Variants in HTR6 observed in about 807,000 individuals in gnomAD.
The protein encoded by HTR6 is 5-hydroxytryptamine receptor 6, also known as 5-hydroxytryptamine (serotonin) receptor 6, G protein-coupled.
HTR6 carries 15 observed loss-of-function variants against 17.4 expected under a neutral mutation model. That is an observed-to-expected ratio of 0.86 (90% CI 0.58 to 1.33). The LOEUF (loss-of-function observed/expected upper bound fraction) is 1.33, where lower values mean the gene tolerates loss of function less well. Among genes scored for constraint, HTR6 ranks in the 40% most tolerant of loss-of-function variants. The pLI is 0.00. For missense variants in HTR6, 578 were observed against 616.0 expected (o/e 0.94, Z 0.65); for synonymous variants, 326 against 295.5 (o/e 1.10, Z -1.06).
intron 1 of HTR6, among the ~76,000 whole-genome samples, chr1:19,672,178 T>C (rs549805440): frequency 1.3e-5 from 2 of 151,624 alleles, no homozygotes; most frequent in South Asian, 2.1e-4. Context: ...CTGTGGTCCA[T>C]AACCTCATCC....
chr1:19,675,637 C>T (rs902844844), intron 1 of HTR6, among the ~76,000 whole-genome samples: 6 of 152,094 alleles, frequency 3.9e-5, no homozygotes, highest in African/African-American at 1.2e-4. Flanking sequence ...CCTCAGTTTC[C>T]CCCATGCCCT....
chr1:19,679,052 C>A lies in HTR6; in HGVS notation c.1007C>A (p.Pro336Gln). The A allele has an allele frequency of 6.2e-7, 1 of 1,614,130 alleles. No homozygotes were observed. The highest frequency in any genetic ancestry group is 1.1e-5 in the South Asian group (1 of 91,084). ...AAGCGGGCGCTGGGCAGGTTCCTGC[C>A]ATGTCCACGCTGTCCCCGGGAGCGC... ...DFKRALGRFL[P>Q]CPRCPRERQA... The change falls in exon 3 of 3, where the codon CCA (proline) becomes CAA (glutamine). Residue 336 changes from proline to glutamine, a missense_variant. By Grantham distance (76) the Pro-to-Gln change is moderately conservative (BLOSUM62 -1). Coordinates refer to ENST00000289753, the MANE Select transcript of HTR6 (RefSeq NM_000871.3). The surrounding 1 kb of genome is among the most constrained non-coding windows in gnomAD (Gnocchi z 4.9).
Position 19,665,088 on chromosome 1 carries a change from GCCGCGCGGCCGCTGCCCTCCTCTTC to G in HTR6, c.-660_-636del, listed in dbSNP as rs2095079147. On this transcript the variant is annotated 5_prime_UTR_variant, in exon 1 of 3. Coordinates refer to ENST00000289753, the MANE Select transcript of HTR6 (RefSeq NM_000871.3). This position sits in a 1 kb window ranked among gnomAD's most constrained non-coding sequence, Gnocchi z 4.2. ...CCCTGCTGCCGGGTGGGGAGGGGGC[GCCGCGCGGCCGCTGCCCTCCTCTTC>G]CCGCGGGGCCTGGCGGCCCCGGCGA... 6.6e-6 allele frequency among the ~76,000 whole-genome samples: 1 copy of G among 151,628 alleles called. No homozygotes were observed. Among genetic ancestry groups the G allele is most frequent in the Non-Finnish European group, 1.5e-5 (1 of 67,850 alleles).
chr1:19,669,185 G>A (rs2095084966), intron 1 of HTR6, among the ~76,000 whole-genome samples: 1 of 152,166 alleles, frequency 6.6e-6, no homozygotes, highest in African/African-American at 2.4e-5. Flanking sequence ...GAGAGATCAG[G>A]ATTCCTAGTT....
In HTR6 at chr1:19,679,372, GGGCTTGGGGCTGGCCAATGGGGAGCT is replaced by G. The variant is rs2095098919; in HGVS notation, c.*7_*32del. ...ACTTGGCATCCCCACGAACTGACCC[GGGCTTGGGGCTGGCCAATGGGGAGCT>G]GGATTGAGCAGAACCCAGACCCTGA... On this transcript the variant is annotated 3_prime_UTR_variant, in exon 3 of 3. Transcript: ENST00000289753. This position sits in a 1 kb window ranked among gnomAD's most constrained non-coding sequence, Gnocchi z 4.9. The G allele has an allele frequency of 6.4e-7, 1 of 1,572,686 alleles. No homozygotes were observed. The highest frequency in any genetic ancestry group is 8.6e-7 in the Non-Finnish European group (1 of 1,157,164).
Position 19,679,601 on chromosome 1 carries a change from T to C in HTR6, c.*233T>C, listed in dbSNP as rs200126438. ...AGGATGCTCCACTGTTGAGTGTAAC[T>C]TGTGTGTGCAGAGGATGGGCTGGAG... On this transcript the variant is annotated 3_prime_UTR_variant, in exon 3 of 3. Coordinates refer to ENST00000289753, the MANE Select transcript of HTR6 (RefSeq NM_000871.3). The surrounding 1 kb of genome is among the most constrained non-coding windows in gnomAD (Gnocchi z 4.9). The C allele has an allele frequency of 1.5e-4, 85 of 570,708 alleles. No homozygotes were observed. In the African/African-American group the frequency reaches 1.6e-3, roughly 11 times the overall value. 35.4% of individuals were successfully genotyped at this position (570,708 alleles called of 1,614,324 possible).
At position 19,665,775 on chromosome 1, in the gene HTR6, A is replaced by G; in HGVS notation, c.22A>G (p.Thr8Ala). The change falls in exon 1 of 3, where the codon ACC becomes GCC. Residue 8 changes from threonine to alanine, a missense_variant. Physicochemically the swap from Thr to Ala is moderately conservative, Grantham distance 58 (BLOSUM62 0). Coordinates refer to ENST00000289753, the MANE Select transcript of HTR6 (RefSeq NM_000871.3). The surrounding 1 kb of genome is among the most constrained non-coding windows in gnomAD (Gnocchi z 4.2). MVPEPGP[T>A]ANSTPAWGAG... Reference sequence around the variant, plus strand: ...CCTCATGGTCCCAGAGCCGGGCCCAACCGCCAATAGCACCCCGGCCTGGGG... The same window carrying G: ...CCTCATGGTCCCAGAGCCGGGCCCAGCCGCCAATAGCACCCCGGCCTGGGG... 6.7e-7 allele frequency: 1 copy of G among 1,489,274 alleles called. No homozygotes were observed. 92.3% of individuals were successfully genotyped at this position (1,489,274 alleles called of 1,614,324 possible). A position where few individuals can be genotyped will look rare whatever the true frequency, so the allele number is the denominator to read the frequency against.
intron 1 of HTR6, among the ~76,000 whole-genome samples, chr1:19,670,765 G>A (rs1052018345): frequency 1.3e-5 from 2 of 152,174 alleles, no homozygotes; most frequent in African/African-American, 4.8e-5. Flanking sequence ...TGCCTGGCCT[G>A]TCTTTCTGTT....
At chr1:19,667,346 C>T (rs914893108) in intron 1 of HTR6, among the ~76,000 whole-genome samples, 2 of 152,140 alleles carry the variant, frequency 1.3e-5, no homozygotes, top group African/African-American at 4.8e-5. Context: ...CATTTTGCCT[C>T]CCTGACTTGA....
rs1055079662 is a variant in HTR6, at chr1:19,666,908, T to C, written c.714+441T>C. 6.6e-6 allele frequency among the ~76,000 whole-genome samples: 1 copy of C among 152,036 alleles called. No individual in the cohort carries two copies. Among genetic ancestry groups the C allele is most frequent in the Admixed American group, 6.6e-5 (1 of 15,264 alleles). On this transcript the variant is annotated intron_variant, in intron 1 of 2. Coordinates refer to ENST00000289753, the MANE Select transcript of HTR6 (RefSeq NM_000871.3). The surrounding 1 kb of genome is among the most constrained non-coding windows in gnomAD (Gnocchi z 4.5). Reference sequence around the variant, plus strand: ...CCGGGGAGGCTGTGTAGACTTCTCCTGGCTCCCCTGCTTCTGCCGCAGACC... The same window carrying C: ...CCGGGGAGGCTGTGTAGACTTCTCCCGGCTCCCCTGCTTCTGCCGCAGACC...
chr1:19,677,560 A>G (rs1218139339), intron 1 of HTR6, among the ~76,000 whole-genome samples: 2 of 152,226 alleles, frequency 1.3e-5, no homozygotes, highest in Non-Finnish European at 1.5e-5. Context: ...ATTTAGCTGC[A>G]AACATTGGCT....
chr1:19,680,328 C>T lies in HTR6; in HGVS notation c.*960C>T, dbSNP rs1478928157. Among the ~76,000 whole-genome samples, 1 of 152,220 alleles carries T rather than the reference C, an allele frequency of 6.6e-6. No homozygotes were observed. Among genetic ancestry groups the T allele is most frequent in the Non-Finnish European group, 1.5e-5 (1 of 68,038 alleles). On this transcript the variant is annotated 3_prime_UTR_variant, in exon 3 of 3. Coordinates refer to ENST00000289753, the MANE Select transcript of HTR6 (RefSeq NM_000871.3). Reference sequence around the variant, plus strand: ...TCCATTTGCCTCCCCCTCTTCAGCCCTGGCCTAGCCTCCCAAAGCCTGACT... The same window carrying T: ...TCCATTTGCCTCCCCCTCTTCAGCCTTGGCCTAGCCTCCCAAAGCCTGACT...
Position 19,666,083 on chromosome 1 carries a change from C to T in HTR6, c.330C>T (p.Cys110=), listed in dbSNP as rs753228453. ...GGACCGCCTTCGACGTGATGTGCTG[C>T]AGCGCCTCCATCCTCAACCTCTGCC... is the stretch of plus-strand genomic sequence containing the variant. ...LLWTAFDVMC[C]SASILNLCLI... The change falls in exon 1 of 3, where the codon TGC becomes TGT. Residue 110 remains cysteine (C), a synonymous_variant. Transcript: ENST00000289753. This position sits in a 1 kb window ranked among gnomAD's most constrained non-coding sequence, Gnocchi z 4.5. 6.2e-7 allele frequency: 1 copy of T among 1,612,808 alleles called. No homozygotes were observed. The highest frequency in any genetic ancestry group is 1.3e-5 in the African/African-American group (1 of 75,064).
intron 1 of HTR6, among the ~76,000 whole-genome samples, chr1:19,677,838 C>T (rs2095096193): frequency 6.6e-6 from 1 of 152,222 alleles, no homozygotes; most frequent in Non-Finnish European, 1.5e-5. Context: ...CTCCTGGGTT[C>T]AAGCAATTCT....
chr1:19,665,893 T>C lies in HTR6; in HGVS notation c.140T>C (p.Leu47Pro), dbSNP rs774000123. Reference protein sequence around the residue: ...IALTAAANSLLIALICTQPAL... With the variant: ...IALTAAANSLPIALICTQPAL... Reference sequence around the variant, plus strand: ...CTGACGGCGGCGGCCAACTCGCTGCTGATCGCGCTCATCTGCACTCAGCCC... The same window carrying C: ...CTGACGGCGGCGGCCAACTCGCTGCCGATCGCGCTCATCTGCACTCAGCCC... Residue 47 changes from leucine (L) to proline (P), a missense_variant, in exon 1 of 3, where the codon CTG (leucine) becomes CCG (proline). Physicochemically the swap from Leu to Pro is moderately conservative, Grantham distance 98. Transcript: ENST00000289753. This position sits in a 1 kb window ranked among gnomAD's most constrained non-coding sequence, Gnocchi z 4.2. 75 of 1,610,904 alleles carry C rather than the reference T, an allele frequency of 4.7e-5. 1 individual carries two copies. The South Asian group carries it at 7.6e-4, about 16-fold the overall frequency.
rs1347691538 is a variant in HTR6, at chr1:19,666,022, G to C, written c.269G>C (p.Gly90Ala). 1.2e-6 allele frequency: 2 copies of C among 1,613,652 alleles called. No homozygotes were observed. Among genetic ancestry groups the C allele is most frequent in the Admixed American group, 1.7e-5 (1 of 59,990 alleles). ...CCGGCCATGCTGAACGCGCTGTACG[G>C]GCGCTGGGTGCTGGCGCGCGGCCTC... ...MPPAMLNALY[G>A]RWVLARGLCL... is the part of the protein sequence containing the mutation. The change falls in exon 1 of 3, where the codon GGG becomes GCG. Residue 90 changes from glycine to alanine, a missense_variant. Coordinates refer to ENST00000289753, the MANE Select transcript of HTR6 (RefSeq NM_000871.3). The surrounding 1 kb of genome is among the most constrained non-coding windows in gnomAD (Gnocchi z 4.5).
At chr1:19,678,836 G>A in intron 2 of HTR6, 83 bp from the exon 3 acceptor site, 1 of 1,558,002 alleles carries the variant, frequency 6.4e-7, no homozygotes, top group Non-Finnish European at 8.7e-7. Context: ...GTGCGTGTGT[G>A]TGTGTGTCTG....
In HTR6 at chr1:19,666,465, C is replaced by T; in HGVS notation, c.712C>T (p.Gln238Ter). ...GMASQASETL[Q>*]VPRTPRPGVE... ...GGCCAGTCAGGCCTCGGAGACGCTG[C>T]AGGTACCTGGGGTGCGCAGGGAGAC... The change falls in exon 1 of 3, where the codon CAG (glutamine) becomes TAG (stop). Residue 238 changes from glutamine (Q) to a stop codon, truncating the protein, a stop_gained and splice_region_variant. Transcript: ENST00000289753. LOFTEE classifies it high-confidence loss of function. This position sits in a 1 kb window ranked among gnomAD's most constrained non-coding sequence, Gnocchi z 4.5. 1 of 1,603,768 alleles carries T rather than the reference C, an allele frequency of 6.2e-7. No individual in the cohort carries two copies. The highest frequency in any genetic ancestry group is 8.5e-7 in the Non-Finnish European group (1 of 1,175,990).
Position 19,678,912 on chromosome 1 carries a change from C to G in HTR6, c.874-7C>G. ...GGGACCAGGCATGATGCATCCCCTCCCCCCAGGCCGTGTGCGACTGCATCT... is the reference window on the plus strand; with the variant it reads ...GGGACCAGGCATGATGCATCCCCTCGCCCCAGGCCGTGTGCGACTGCATCT... On this transcript the variant is annotated splice_region_variant and splice_polypyrimidine_tract_variant and intron_variant, in intron 2 of 2. Transcript: ENST00000289753. 6.3e-7 allele frequency: 1 copy of G among 1,586,006 alleles called. No individual in the cohort carries two copies. The highest frequency in any genetic ancestry group is 2.3e-5 in the East Asian group (1 of 44,422).
Sources: gnomAD v4.1 joint callset for allele counts (sites outside exome capture counted in the v4.1 genomes callset) on GRCh38, gnomAD v4.1.1 for gene constraint, Gnocchi (gnomAD v3.1) non-coding constraint, MANE v1.5 for transcripts, NCBI Gene and HGNC (gene_info 2026-07-23, HGNC 2026-07-21) for gene names.